The following CDH16 variants were observed in gnomAD, a reference collection of about 807,000 sequenced individuals.
CDH16 encodes cadherin 16, also known as cadherin-16.
In CDH16, 79 loss-of-function variants were observed where a neutral mutation model predicts 87.6. That is an observed-to-expected ratio of 0.90 (90% CI 0.75 to 1.09). The LOEUF is 1.09. Among genes scored for constraint, CDH16 ranks in the 50% least tolerant of loss-of-function variants. CDH16 has a pLI of 0.00. For missense variants in CDH16, 1,124 were observed against 1,071.7 expected, an observed-to-expected ratio of 1.05 and a Z score of -0.68; for synonymous variants, 457 against 439.5, an observed-to-expected ratio of 1.04 and a Z score of -0.50.
At chr16:66,910,156 C>T (rs1444745668) in intron 15 of CDH16, 63 bp from the exon 16 acceptor site, 1 of 1,561,488 alleles carries the variant, frequency 6.4e-7, no homozygotes, top group Non-Finnish European at 8.7e-7. Flanking sequence ...GGGGCTGCTC[C>T]CCCTAGGCCT....
At chr16:66,918,600 G>A (rs569894976) in intron 1 of CDH16, among the ~76,000 whole-genome samples, 2 of 152,318 alleles carry the variant, frequency 1.3e-5, no homozygotes, top group Admixed American at 6.5e-5. Flanking sequence ...GAGAACCCCC[G>A]GAGCAGGAGC....
At position 66,916,436 on chromosome 16, in the gene CDH16, G is replaced by A. The variant is rs772463870; in HGVS notation, c.130-7C>T. 1 of 1,590,900 alleles carries A rather than the reference G, an allele frequency of 6.3e-7. No homozygotes were observed. Among genetic ancestry groups the A allele is most frequent in the Non-Finnish European group, 8.6e-7 (1 of 1,166,660 alleles). ...CCTCACGGGGCAGCGGCAACTGATG[G>A]AAATGAACAGAAGTGAAGGGAGCGG... is the stretch of plus-strand genomic sequence containing the variant. On this transcript the variant is annotated splice_polypyrimidine_tract_variant and splice_region_variant and intron_variant, in intron 3 of 17. Coordinates refer to ENST00000299752, the MANE Select transcript of CDH16 (RefSeq NM_004062.4). The surrounding 1 kb of genome is among the most constrained non-coding windows in gnomAD (Gnocchi z 4.1).
At chr16:66,913,320 G>A (rs746915261) in intron 8 of CDH16, 39 bp from the exon 9 acceptor site, 6 of 1,548,452 alleles carry the variant, frequency 3.9e-6, no homozygotes, top group South Asian at 1.3e-5. Flanking sequence ...CAGGACCAAG[G>A]GCAGCTCCAG....
At position 66,909,443 on chromosome 16, in the gene CDH16, GC is replaced by G; in HGVS notation, c.2276-61del. On this transcript the variant is annotated intron_variant, in intron 16 of 17. Coordinates refer to ENST00000299752, the MANE Select transcript of CDH16 (RefSeq NM_004062.4). This position sits in a 1 kb window ranked among gnomAD's most constrained non-coding sequence, Gnocchi z 4.1. The stretch of plus-strand genomic sequence containing the variant: ...GGGGAGGGCTCCCCAGCTGCTCAGA[GC>G]CCCCAGCCCAGCCACCTGGCTGATA... 3.4e-6 allele frequency: 4 copies of G among 1,192,694 alleles called. No individual in the cohort carries two copies. The highest frequency in any genetic ancestry group is 2.4e-6 in the Non-Finnish European group (2 of 821,470). The allele number at this position is 1,192,694 out of a possible 1,614,324, so 73.9% of individuals were successfully genotyped here.
rs1052746258 is a variant in CDH16 at position 66,914,132 on chromosome 16, A to C, written c.780+84T>G. On this transcript the variant is annotated intron_variant, in intron 7 of 17. Transcript: ENST00000299752. Reference sequence around the variant, plus strand: ...GGAGCACGGGTCATGAGGGTTCCAGACCCAGCCCCCAAATATCCATGAGAC... The same window carrying C: ...GGAGCACGGGTCATGAGGGTTCCAGCCCCAGCCCCCAAATATCCATGAGAC... 2.4e-5 allele frequency: 30 copies of C among 1,229,468 alleles called. No homozygotes were observed. In the Admixed American group the frequency reaches 5.2e-4, roughly 21 times the overall value. 76.2% of individuals were successfully genotyped at this position (1,229,468 alleles called of 1,614,324 possible).
At chr16:66,913,730 C>T (rs1962547284) in intron 7 of CDH16, 117 bp from the exon 8 acceptor site, 8 of 1,363,670 alleles carry the variant, frequency 5.9e-6, no homozygotes, top group African/African-American at 1.5e-5. Context: ...AGGTGCTGCC[C>T]TCCCTGGGCC....
rs768373755 is a variant in CDH16, at chr16:66,909,294, T to A, written c.2365A>T (p.Ile789Phe). Residue 789 changes from isoleucine (I) to phenylalanine (F), a missense_variant, in exon 17 of 18, where the codon ATC becomes TTC. Coordinates refer to ENST00000299752, the MANE Select transcript of CDH16 (RefSeq NM_004062.4). The surrounding 1 kb of genome is among the most constrained non-coding windows in gnomAD (Gnocchi z 4.1). ...GMPTKLSAVG[I>F]LVGTLVAIGI... Reference sequence around the variant, plus strand: ...ATTGCTACCAGGGTGCCTACAAGGATGCCCACTGCCGACAGCTTCGTGGGC... The same window carrying A: ...ATTGCTACCAGGGTGCCTACAAGGAAGCCCACTGCCGACAGCTTCGTGGGC... 6.2e-7 allele frequency: 1 copy of A among 1,613,104 alleles called. No individual in the cohort carries two copies. Among genetic ancestry groups the A allele is most frequent in the Non-Finnish European group, 8.5e-7 (1 of 1,179,174 alleles).
In CDH16 at chr16:66,913,589, G is replaced by A. The variant is rs753981287; in HGVS notation, c.805C>T (p.His269Tyr). The A allele has an allele frequency of 6.2e-7, 1 of 1,613,938 alleles. No individual in the cohort carries two copies. The highest frequency in any genetic ancestry group is 1.1e-5 in the South Asian group (1 of 91,078). ...GGGGGATGGCTCTCCAGGTGATAGTGCACATCACCCCCACTCCAGTGTACC... is the reference window on the plus strand; with the variant it reads ...GGGGGATGGCTCTCCAGGTGATAGTACACATCACCCCCACTCCAGTGTACC... ...AQVHWSGGDV[H>Y]YHLESHPPGP... Residue 269 changes from histidine (H) to tyrosine (Y), a missense_variant, in exon 8 of 18, where the codon CAC (histidine) becomes TAC (tyrosine). Transcript: ENST00000299752.
intron 2 of CDH16, 65 bp downstream of exon 2, chr16:66,917,956 T>C: frequency 1.4e-6 from 2 of 1,382,708 alleles, no homozygotes; most frequent in Non-Finnish European, 2.0e-6. Flanking sequence ...CCAGGTGGAG[T>C]TGGGGGCAAG....
chr16:66,910,975 C>A (rs1567531115), intron 14 of CDH16: 5 of 534,338 alleles, frequency 9.4e-6, no homozygotes, highest in East Asian at 3.2e-5. Context: ...GGAGAATGAT[C>A]AGAGAGGGGA....
intron 1 of CDH16, among the ~76,000 whole-genome samples, 192 bp from the exon 2 acceptor site, chr16:66,918,270 C>T (rs1267097148): frequency 6.6e-6 from 1 of 152,232 alleles, no homozygotes; most frequent in African/African-American, 2.4e-5. Context: ...CAGGCCCAGC[C>T]ACCCTGCTTC....
Position 66,916,468 on chromosome 16 carries a change from G to A in CDH16, c.130-39C>T. 1.3e-6 allele frequency: 2 copies of A among 1,532,534 alleles called. No individual in the cohort carries two copies. The highest frequency in any genetic ancestry group is 1.8e-6 in the Non-Finnish European group (2 of 1,139,842). The allele number at this position is 1,532,534 out of a possible 1,614,324, so 94.9% of individuals were successfully genotyped here. ...ACAGAAGTGAAGGGAGCGGTGGCCA[G>A]GCCTGGGAGATGCCCCTCCTCCACC... On this transcript the variant is annotated intron_variant, in intron 3 of 17. Transcript: ENST00000299752. The surrounding 1 kb of genome is among the most constrained non-coding windows in gnomAD (Gnocchi z 4.1).
chr16:66,911,525 G>T (rs1293888666), intron 13 of CDH16, among the ~76,000 whole-genome samples: 1 of 152,152 alleles, frequency 6.6e-6, no homozygotes, highest in Non-Finnish European at 1.5e-5. Flanking sequence ...AGATCATGTG[G>T]GTAAGGGAGA....
Position 66,908,327 on chromosome 16 carries a change from G to C in CDH16, c.*65C>G. ...TCCCCTGCTGGATCTTGGGTGCTGG[G>C]CTCTCTCCCAGGGGACTCAGATGGA... On this transcript the variant is annotated 3_prime_UTR_variant, in exon 18 of 18. Transcript: ENST00000299752. The C allele has an allele frequency of 1.5e-6, 2 of 1,325,332 alleles. No homozygotes were observed. Among genetic ancestry groups the C allele is most frequent in the Non-Finnish European group, 2.2e-6 (2 of 923,364 alleles). The allele number at this position is 1,325,332 out of a possible 1,614,324, so 82.1% of individuals were successfully genotyped here. A position where few individuals can be genotyped will look rare whatever the true frequency, so the allele number is the denominator to read the frequency against.
rs779352583 is a variant in CDH16 at position 66,911,208 on chromosome 16, G to T, written c.1898C>A (p.Thr633Lys). The T allele has an allele frequency of 6.2e-7, 1 of 1,613,462 alleles. No individual in the cohort carries two copies. The highest frequency in any genetic ancestry group is 1.7e-5 in the Admixed American group (1 of 59,970). Residue 633 changes from threonine to lysine, a missense_variant, in exon 14 of 18, where the codon ACG becomes AAG. Coordinates refer to ENST00000299752, the MANE Select transcript of CDH16 (RefSeq NM_004062.4). ...TGTATCCTGGGCCTCCACAAGCACC[G>T]TGTAGGTGTCCCCAGGCTGGGCGCC... ...LQGAQPGDTY[T>K]VLVEAQDTDE... is the part of the protein sequence containing the mutation.
At chr16:66,913,451 G>T (rs1233046577) in intron 8 of CDH16, 40 bp downstream of exon 8, 1 of 1,613,138 alleles carries the variant, frequency 6.2e-7, no homozygotes, top group Non-Finnish European at 8.5e-7. Context: ...CACTGACCAA[G>T]CACCCCCAGC....
At chr16:66,917,957 T>C in intron 2 of CDH16, 64 bp downstream of exon 2, 1 of 1,393,818 alleles carries the variant, frequency 7.2e-7, no homozygotes, top group South Asian at 1.3e-5. Context: ...CAGGTGGAGT[T>C]GGGGGCAAGG....
In CDH16 at chr16:66,916,076, C is replaced by T; in HGVS notation, c.413G>A (p.Gly138Asp). The change falls in exon 5 of 18, where the codon GGT becomes GAT. Residue 138 changes from glycine (G) to aspartate (D), a missense_variant. By Grantham distance (94) the Gly-to-Asp change is moderately conservative. Coordinates refer to ENST00000299752, the MANE Select transcript of CDH16 (RefSeq NM_004062.4). The surrounding 1 kb of genome is among the most constrained non-coding windows in gnomAD (Gnocchi z 4.1). ...CCCTGGTCACTCACCAGGCCTGGTA[C>T]CCCGGCTCAGCCGAGCTCTGTAGAT... ...QAIYRARLSR[G>D]TRPGIPFLFL... 2 of 1,614,204 alleles carry T rather than the reference C, an allele frequency of 1.2e-6. No homozygotes were observed. The highest frequency in any genetic ancestry group is 1.1e-5 in the South Asian group (1 of 91,086).
In CDH16 at chr16:66,913,185, G is replaced by T; in HGVS notation, c.1000C>A (p.Pro334Thr). 1 of 1,607,260 alleles carries T rather than the reference G, an allele frequency of 6.2e-7. No individual in the cohort carries two copies. The highest frequency in any genetic ancestry group is 8.5e-7 in the Non-Finnish European group (1 of 1,176,732). Residue 334 changes from proline to threonine, a missense_variant, in exon 9 of 18, where the codon CCT becomes ACT. By Grantham distance (38) the Pro-to-Thr change is conservative. Coordinates refer to ENST00000299752, the MANE Select transcript of CDH16 (RefSeq NM_004062.4). ...GTGGGGTCACGGGGAGGGCAGATAG[G>T]CACGTTGTCATTCTCATCCATCACC... ...VLVMDENDNV[P>T]ICPPRDPTVS... is the part of the protein sequence containing the mutation.
Sources: allele counts gnomAD v4.1 joint callset (sites outside exome capture counted in the v4.1 genomes callset), GRCh38; gene constraint gnomAD v4.1.1; non-coding constraint Gnocchi (gnomAD v3.1); transcripts MANE v1.5; gene names NCBI Gene and HGNC (gene_info 2026-07-23, HGNC 2026-07-21).